The following CCDC192 variants were observed in gnomAD, a reference collection of about 807,000 sequenced individuals.
CCDC192 encodes coiled-coil domain-containing protein 192.
chr5:127,882,600 AT>A (rs1752403045), intron 6 of CCDC192, among the ~76,000 whole-genome samples: 1 of 152,188 alleles, frequency 6.6e-6, no homozygotes, highest in Non-Finnish European at 1.5e-5. Context: ...ACGTGGTGAA[AT>A]TTATGTTATG....
At chr5:127,781,921 C>T (rs540134348) in intron 3 of CCDC192, among the ~76,000 whole-genome samples, 1 of 152,268 alleles carries the variant, frequency 6.6e-6, no homozygotes, top group South Asian at 2.1e-4. Context: ...TTCCAGTTCT[C>T]AGAGAATATG....
At chr5:127,755,023 T>C (rs1455175157) in intron 3 of CCDC192, among the ~76,000 whole-genome samples, 1 of 152,120 alleles carries the variant, frequency 6.6e-6, no homozygotes, top group African/African-American at 2.4e-5. Flanking sequence ...AGATTATACT[T>C]TGCAAATAGT....
intron 5 of CCDC192, among the ~76,000 whole-genome samples, chr5:127,812,191 G>C (rs973825061): frequency 6.6e-6 from 1 of 152,148 alleles, no homozygotes; most frequent in Admixed American, 6.5e-5. Flanking sequence ...TTTTATGTAA[G>C]TGCTTGCTAA....
intron 5 of CCDC192, among the ~76,000 whole-genome samples, chr5:127,831,327 TAAAATCTTC>T (rs1030756063): frequency 6.6e-6 from 1 of 151,680 alleles, no homozygotes; most frequent in South Asian, 2.1e-4. Context: ...AATTGTGCTT[TAAAATCTTC>T]AAAATCTTCA....
chr5:127,741,511 T>TACTGTATGTGTGTGCAAGCTGTGCAC (rs1207295416), intron 2 of CCDC192, among the ~76,000 whole-genome samples: 9 of 152,336 alleles, frequency 5.9e-5, no homozygotes, highest in African/African-American at 2.2e-4. Flanking sequence ...CAGGTGTGCT[T>TACTGTATGTGTGTGCAAGCTGTGCAC]ACTGTATGTG....
intron 6 of CCDC192, among the ~76,000 whole-genome samples, chr5:127,911,925 C>G (rs1159816467): frequency 6.6e-6 from 1 of 151,562 alleles, no homozygotes; most frequent in Non-Finnish European, 1.5e-5. Flanking sequence ...CCACCTCTCA[C>G]CAAATTTTTT....
At chr5:127,853,395 A>G (rs1487303576) in intron 5 of CCDC192, among the ~76,000 whole-genome samples, 1 of 152,194 alleles carries the variant, frequency 6.6e-6, no homozygotes, top group Non-Finnish European at 1.5e-5. Flanking sequence ...CTTCCTGACT[A>G]CATTTGCTAA....
intron 6 of CCDC192, among the ~76,000 whole-genome samples, chr5:127,906,710 C>T (rs1400240956): frequency 2.0e-5 from 3 of 152,128 alleles, no homozygotes; most frequent in South Asian, 4.1e-4. Context: ...CACCTGAGCT[C>T]GGGAGTTAGA....
At chr5:127,745,178 C>T (rs909420201) in intron 2 of CCDC192, among the ~76,000 whole-genome samples, 1 of 152,180 alleles carries the variant, frequency 6.6e-6, no homozygotes, top group Non-Finnish European at 1.5e-5. Flanking sequence ...AGATACCGCA[C>T]ATGAAGTTGG....
At chr5:127,911,202 A>G (rs1206578050) in intron 6 of CCDC192, among the ~76,000 whole-genome samples, 1 of 152,240 alleles carries the variant, frequency 6.6e-6, no homozygotes, top group African/African-American at 2.4e-5. Context: ...TTTGTGGAAC[A>G]TCCATTGTGG....
At chr5:127,810,184 A>T (rs530244781) in intron 5 of CCDC192, among the ~76,000 whole-genome samples, 3 of 152,226 alleles carry the variant, frequency 2.0e-5, no homozygotes, top group Non-Finnish European at 4.4e-5. Flanking sequence ...ATAGAAGTTC[A>T]TTTCTTTCTC....
chr5:127,753,976 A>G, intron 2 of CCDC192, among the ~76,000 whole-genome samples: 1 of 152,240 alleles, frequency 6.6e-6, no homozygotes, highest in Non-Finnish European at 1.5e-5. Flanking sequence ...GAGTAAGAAT[A>G]AAAGTTTCAA....
At chr5:127,923,460 C>T (rs1753782544) in intron 6 of CCDC192, among the ~76,000 whole-genome samples, 1 of 151,924 alleles carries the variant, frequency 6.6e-6, no homozygotes, top group East Asian at 1.9e-4. Flanking sequence ...TCACTGCAAG[C>T]TCCGCCTCCC....
intron 3 of CCDC192, among the ~76,000 whole-genome samples, chr5:127,755,585 T>C (rs1407182618): frequency 4.0e-5 from 6 of 151,628 alleles, no homozygotes; most frequent in Non-Finnish European, 8.8e-5. Context: ...TGTTGTTTTT[T>C]TTTTTTTCTA....
chr5:127,755,062 A>G (rs867311135), intron 3 of CCDC192, among the ~76,000 whole-genome samples: 5 of 152,216 alleles, frequency 3.3e-5, no homozygotes, highest in African/African-American at 1.2e-4. Context: ...CCCCCTGGTC[A>G]GAGAGGCTTG....
intron 5 of CCDC192, among the ~76,000 whole-genome samples, chr5:127,821,957 AC>A (rs1749312995): frequency 6.6e-6 from 1 of 152,250 alleles, no homozygotes; most frequent in African/African-American, 2.4e-5. Flanking sequence ...AAATCAAGGG[AC>A]AATAAAGGGA....
chr5:127,921,704 G>A (rs1753726685), intron 6 of CCDC192, among the ~76,000 whole-genome samples: 1 of 152,100 alleles, frequency 6.6e-6, no homozygotes, highest in Non-Finnish European at 1.5e-5. Context: ...CAAGGTTTTA[G>A]GAAATTACTG....
chr5:127,790,104 T>A (rs1173039240), intron 3 of CCDC192, among the ~76,000 whole-genome samples: 1 of 152,204 alleles, frequency 6.6e-6, no homozygotes, highest in Non-Finnish European at 1.5e-5. Context: ...GGGGTGACAT[T>A]TCCACTCCAG....
chr5:127,751,626 G>T (rs1449354018), intron 2 of CCDC192, among the ~76,000 whole-genome samples: 1 of 152,050 alleles, frequency 6.6e-6, no homozygotes, highest in Non-Finnish European at 1.5e-5. Flanking sequence ...TATCTTTGTG[G>T]CGTTCTCTAT....
Sources: allele counts gnomAD v4.1 joint callset (sites outside exome capture counted in the v4.1 genomes callset), GRCh38; gene constraint gnomAD v4.1.1; transcripts MANE v1.5; gene names NCBI Gene and HGNC (gene_info 2026-07-23, HGNC 2026-07-21).